Variants in RBFOX1 observed in about 807,000 individuals in gnomAD.
The protein encoded by RBFOX1 is RNA binding protein fox-1 homolog 1.
A neutral mutation model predicts 57.7 loss-of-function variants in RBFOX1; 8 were observed. That is an observed-to-expected ratio of 0.14 (90% CI 0.08 to 0.25). The LOEUF (loss-of-function observed/expected upper bound fraction) is 0.25, where lower values mean the gene tolerates loss of function less well. Ranked by LOEUF, RBFOX1 falls within the 10% of genes least tolerant of loss-of-function variation. The pLI is 1.00. For synonymous variants in RBFOX1, 326 were observed against 222.4 expected (o/e 1.47, Z -4.15); for missense variants, 611 against 548.5 (o/e 1.11, Z -1.14).
intron 5 of RBFOX1, among the ~76,000 whole-genome samples, chr16:7,549,286 T>A (rs1681248684): frequency 6.6e-6 from 1 of 152,110 alleles, no homozygotes; most frequent in South Asian, 2.1e-4. Flanking sequence ...TGTAGGACTG[T>A]GAATAAGCAA....
intron 10 of RBFOX1, among the ~76,000 whole-genome samples, 179 bp downstream of exon 10, chr16:7,607,517 A>G (rs2056570227): frequency 6.6e-6 from 1 of 152,162 alleles, no homozygotes; most frequent in African/African-American, 2.4e-5. Context: ...ATTACAAGGG[A>G]ATCGTCTAAG....
intron 2 of RBFOX1, among the ~76,000 whole-genome samples, chr16:6,566,603 T>C (rs1483572405): frequency 1.3e-5 from 2 of 152,222 alleles, no homozygotes; most frequent in East Asian, 3.8e-4. Flanking sequence ...TCATTTCTTA[T>C]TATCTTTAGA....
chr16:6,533,994 CACATACACACAT>C (rs1455280202), intron 2 of RBFOX1, among the ~76,000 whole-genome samples: 6 of 152,060 alleles, frequency 3.9e-5, no homozygotes, highest in Non-Finnish European at 5.9e-5. Flanking sequence ...TATACACACA[CACATACACACAT>C]ATACATACAT....
At chr16:7,651,392 G>A (rs980623046) in intron 11 of RBFOX1, among the ~76,000 whole-genome samples, 7 of 152,192 alleles carry the variant, frequency 4.6e-5, no homozygotes, top group Non-Finnish European at 8.8e-5. Flanking sequence ...GGGTGTAGGT[G>A]TAATTCTTGG....
At chr16:6,230,333 A>G (rs2097449487) in intron 1 of RBFOX1, among the ~76,000 whole-genome samples, 1 of 152,274 alleles carries the variant, frequency 6.6e-6, no homozygotes, top group East Asian at 1.9e-4. Flanking sequence ...TGTTGTTATA[A>G]TTATAAGGAA....
intron 3 of RBFOX1, among the ~76,000 whole-genome samples, chr16:5,746,530 A>C (rs188131769): frequency 8.5e-5 from 13 of 152,244 alleles, no homozygotes; most frequent in Non-Finnish European, 1.3e-4. Context: ...TACCTTGGGC[A>C]GTATGGCCAT....
intron 1 of RBFOX1, among the ~76,000 whole-genome samples, chr16:6,154,184 G>C (rs5017834): frequency 0.99 from 151,562 of 152,332 alleles, 75,402 homozygotes; most frequent in Middle Eastern, 1. Context: ...CTCTCAGCCT[G>C]GACTTGGTCA....
At chr16:7,478,560 C>A (rs1295927344) in intron 4 of RBFOX1, among the ~76,000 whole-genome samples, 1 of 152,164 alleles carries the variant, frequency 6.6e-6, no homozygotes, top group Admixed American at 6.5e-5. Context: ...GTCCTTGATG[C>A]TGGGCATTGG....
intron 4 of RBFOX1, among the ~76,000 whole-genome samples, chr16:7,388,438 T>C (rs969291418): frequency 1.3e-5 from 2 of 152,178 alleles, no homozygotes; most frequent in African/African-American, 4.8e-5. Context: ...ATATGGGCTT[T>C]GGGATACAAC....
chr16:6,348,329 C>G (rs1465095947), intron 2 of RBFOX1, among the ~76,000 whole-genome samples: 1 of 152,242 alleles, frequency 6.6e-6, no homozygotes, highest in African/African-American at 2.4e-5. Flanking sequence ...ATAGATGACA[C>G]CATATGCTTC....
intron 3 of RBFOX1, among the ~76,000 whole-genome samples, chr16:5,784,777 T>C (rs1051781142): frequency 5.9e-5 from 9 of 152,264 alleles, no homozygotes; most frequent in Non-Finnish European, 8.8e-5. Flanking sequence ...CCCAGAGAGC[T>C]GCCTTGGTTT....
At chr16:6,796,376 A>AT (rs1455916129) in intron 3 of RBFOX1, among the ~76,000 whole-genome samples, 4 of 152,120 alleles carry the variant, frequency 2.6e-5, no homozygotes, top group Non-Finnish European at 5.9e-5. Context: ...TACTATAGTC[A>AT]TTTTTTGGCA....
intron 5 of RBFOX1, among the ~76,000 whole-genome samples, chr16:7,543,928 CCAGGATGGT>C (rs1289289870): frequency 7.9e-5 from 12 of 152,034 alleles, no homozygotes; most frequent in African/African-American, 2.4e-4. Flanking sequence ...ACCATGTTGG[CCAGGATGGT>C]CTCGATCTCC....
chr16:6,542,418 C>G (rs1302023404), intron 2 of RBFOX1, among the ~76,000 whole-genome samples: 1 of 147,562 alleles, frequency 6.8e-6, no homozygotes, highest in African/African-American at 2.5e-5. Context: ...AGCTCAACAA[C>G]TGCAGCTAAG....
chr16:7,313,402 G>C (rs906745238), intron 4 of RBFOX1, among the ~76,000 whole-genome samples: 1 of 151,458 alleles, frequency 6.6e-6, no homozygotes, highest in Non-Finnish European at 1.5e-5. Context: ...TTTAGAGTAC[G>C]TGACTCAGGA....
intron 1 of RBFOX1, among the ~76,000 whole-genome samples, chr16:6,073,659 G>A (rs1367306212): frequency 6.6e-6 from 1 of 152,096 alleles, no homozygotes; most frequent in Non-Finnish European, 1.5e-5. Context: ...TATTTAGAAT[G>A]CATAATCTTC....
intron 3 of RBFOX1, among the ~76,000 whole-genome samples, chr16:6,778,936 C>T (rs1444570630): frequency 6.6e-6 from 1 of 151,790 alleles, no homozygotes; most frequent in Non-Finnish European, 1.5e-5. Flanking sequence ...TTTATAAAAG[C>T]ATACAATGTG....
chr16:7,166,205 G>T (rs1156393556), intron 4 of RBFOX1, among the ~76,000 whole-genome samples: 4 of 151,974 alleles, frequency 2.6e-5, no homozygotes, highest in Non-Finnish European at 5.9e-5. Context: ...GTGGAGATGG[G>T]GTTTTGCCAT....
At chr16:6,344,145 C>T (rs1002480177) in intron 2 of RBFOX1, among the ~76,000 whole-genome samples, 1 of 152,064 alleles carries the variant, frequency 6.6e-6, no homozygotes. Context: ...ATGCAACCTC[C>T]ACCTCCCGGG....
Sources: gnomAD v4.1 joint callset for allele counts (sites outside exome capture counted in the v4.1 genomes callset) on GRCh38, gnomAD v4.1.1 for gene constraint, MANE v1.5 for transcripts, NCBI Gene and HGNC (gene_info 2026-07-23, HGNC 2026-07-21) for gene names.